EXOC4: variants seen among roughly 807,000 people sequenced by gnomAD.
EXOC4 encodes the protein exocyst complex component 4.
Under a neutral mutation model 107.2 loss-of-function variants are expected in EXOC4, and 71 were observed. That is an observed-to-expected ratio of 0.66 (90% CI 0.55 to 0.81). The LOEUF (loss-of-function observed/expected upper bound fraction) is 0.81, where lower values mean the gene tolerates loss of function less well. Ranked by LOEUF, EXOC4 falls within the 30% of genes least tolerant of loss-of-function variation. The probability of loss-of-function intolerance (pLI) is 0.00; values close to 1 mark genes in which losing one functional copy is unlikely to be tolerated. For missense variants in EXOC4, 1,108 were observed against 1,189.6 expected (o/e 0.93, Z 1.01); for synonymous variants, 456 against 441.2 (o/e 1.03, Z -0.42).
chr7:133,276,162 C>G (rs1169990017), intron 2 of EXOC4, among the ~76,000 whole-genome samples: 1 of 152,000 alleles, frequency 6.6e-6, no homozygotes, highest in Admixed American at 6.6e-5. Flanking sequence ...CCTTTCTCCC[C>G]TACTTTCTTC....
At chr7:134,073,161 A>G in the EXOC4 span, among the ~76,000 whole-genome samples, 1,196 of 125,498 alleles carry the variant, frequency 9.5e-3, 12 homozygotes, top group East Asian at 0.038. Flanking sequence ...AGCCAAGACC[A>G]TGCCATTGCA....
chr7:133,253,285 C>CTTCT, intron 1 of EXOC4, 98 bp downstream of exon 1: 5 of 1,465,126 alleles, frequency 3.4e-6, no homozygotes, highest in Non-Finnish European at 4.5e-6. Flanking sequence ...CCTGCTCTCC[C>CTTCT]CTTTCCTCCT....
At chr7:133,591,547 G>A (rs1801542778) in intron 9 of EXOC4, among the ~76,000 whole-genome samples, 1 of 59,184 alleles carries the variant, frequency 1.7e-5, no homozygotes, top group Non-Finnish European at 3.6e-5. Context: ...TTAAAGATCT[G>A]GTGTGTGTGT....
chr7:133,341,871 C>T (rs1795668841), intron 5 of EXOC4, among the ~76,000 whole-genome samples: 2 of 152,214 alleles, frequency 1.3e-5, no homozygotes, highest in South Asian at 4.2e-4. Flanking sequence ...CATTTCCTGT[C>T]CACATGCATG....
chr7:133,631,115 T>G (rs1481131618), intron 10 of EXOC4, among the ~76,000 whole-genome samples: 1 of 152,176 alleles, frequency 6.6e-6, no homozygotes, highest in African/African-American at 2.4e-5. Flanking sequence ...GATCCAGATA[T>G]CTAATATATC....
chr7:133,585,739 G>A (rs929684238), intron 9 of EXOC4, among the ~76,000 whole-genome samples: 1 of 152,148 alleles, frequency 6.6e-6, no homozygotes, highest in African/African-American at 2.4e-5. Flanking sequence ...TGTCACCCAG[G>A]CTGGAGTGCA....
At chr7:133,552,079 G>A (rs1800600629) in intron 9 of EXOC4, among the ~76,000 whole-genome samples, 1 of 152,120 alleles carries the variant, frequency 6.6e-6, no homozygotes, top group South Asian at 2.1e-4. Flanking sequence ...TATTGTGAAT[G>A]GCACTTGGCA....
At chr7:133,718,223 A>G (rs1005431573) in intron 10 of EXOC4, among the ~76,000 whole-genome samples, 2 of 152,032 alleles carry the variant, frequency 1.3e-5, no homozygotes, top group African/African-American at 2.4e-5. Flanking sequence ...TGCTGAACCT[A>G]CTCTGTGGGT....
intron 17 of EXOC4, among the ~76,000 whole-genome samples, chr7:134,018,856 G>A (rs1472629793): frequency 6.6e-6 from 1 of 151,900 alleles, no homozygotes; most frequent in Non-Finnish European, 1.5e-5. Context: ...GCAATCTGAA[G>A]TATTTATGAA....
chr7:133,387,274 T>A (rs1383140428), intron 7 of EXOC4, among the ~76,000 whole-genome samples: 1 of 152,328 alleles, frequency 6.6e-6, no homozygotes, highest in East Asian at 1.9e-4. Context: ...AGATATGTCA[T>A]GTTTAGGAGA....
At chr7:133,572,118 A>T (rs978100645) in intron 9 of EXOC4, among the ~76,000 whole-genome samples, 1 of 152,222 alleles carries the variant, frequency 6.6e-6, no homozygotes, top group Non-Finnish European at 1.5e-5. Context: ...GACTGTAATG[A>T]AAGTGTGGTA....
intron 10 of EXOC4, among the ~76,000 whole-genome samples, chr7:133,784,130 A>G (rs1796521233): frequency 6.6e-6 from 1 of 152,148 alleles, no homozygotes. Context: ...AAAGAGCTTT[A>G]TCATTTGATT....
chr7:133,648,954 A>C (rs751435914), intron 10 of EXOC4, among the ~76,000 whole-genome samples: 1 of 152,166 alleles, frequency 6.6e-6, no homozygotes, highest in Non-Finnish European at 1.5e-5. Flanking sequence ...TTAATATCAC[A>C]AAGAGAGATG....
At chr7:133,792,350 C>T (rs956990782) in intron 10 of EXOC4, among the ~76,000 whole-genome samples, 8 of 151,888 alleles carry the variant, frequency 5.3e-5, no homozygotes, top group Admixed American at 3.9e-4. Context: ...TCCAGGAGTT[C>T]GAGATCAGCC....
intron 9 of EXOC4, chr7:133,576,570 A>G (rs896307514): frequency 1.2e-5 from 15 of 1,289,846 alleles, no homozygotes; most frequent in Non-Finnish European, 1.5e-5. Flanking sequence ...GAGGATCCCA[A>G]TAATCCCAGA....
intron 9 of EXOC4, among the ~76,000 whole-genome samples, chr7:133,530,604 C>T (rs1300234800): frequency 2.0e-5 from 3 of 152,198 alleles, no homozygotes; most frequent in Non-Finnish European, 4.4e-5. Flanking sequence ...CCGCACACAA[C>T]TATACATTTA....
At chr7:133,483,155 T>C (rs550524456) in intron 9 of EXOC4, among the ~76,000 whole-genome samples, 7 of 152,302 alleles carry the variant, frequency 4.6e-5, no homozygotes, top group Admixed American at 2.6e-4. Flanking sequence ...CCTGGTACAA[T>C]AAATGTTTGA....
intron 9 of EXOC4, among the ~76,000 whole-genome samples, chr7:133,567,904 C>G (rs937515068): frequency 6.6e-6 from 1 of 152,162 alleles, no homozygotes. Flanking sequence ...ACCTGTCAAC[C>G]CTCTTACAAT....
chr7:133,655,922 A>G lies in EXOC4; in HGVS notation c.1514+25781A>G. Among the ~76,000 whole-genome samples, 2 of 152,222 alleles carry G rather than the reference A, an allele frequency of 1.3e-5. 1 individual carries two copies. The highest frequency in any genetic ancestry group is 4.1e-4 in the South Asian group (2 of 4,836). The stretch of plus-strand genomic sequence containing the variant: ...TATTATCAACTTTACATAATTGTAT[A>G]TACTGTACTTCTGTAAGACTGGCAG... On this transcript the variant is annotated intron_variant, in intron 10 of 17. Transcript: ENST00000253861.
Sources: allele counts gnomAD v4.1 joint callset (sites outside exome capture counted in the v4.1 genomes callset), GRCh38; gene constraint gnomAD v4.1.1; transcripts MANE v1.5; gene names NCBI Gene and HGNC (gene_info 2026-07-23, HGNC 2026-07-21).